Variants in CPNE1 observed in about 807,000 individuals in gnomAD.
The protein encoded by CPNE1 is copine 1.
Under a neutral mutation model 63.2 loss-of-function variants are expected in CPNE1, and 58 were observed. That is an observed-to-expected ratio of 0.92 (90% CI 0.74 to 1.14). CPNE1 has a LOEUF of 1.14. Among genes scored for constraint, CPNE1 ranks in the 50% most tolerant of loss-of-function variants. CPNE1 has a pLI of 0.00. For synonymous variants in CPNE1, 237 were observed against 249.0 expected, an observed-to-expected ratio of 0.95 and a Z score of 0.45; for missense variants, 672 against 661.7, an observed-to-expected ratio of 1.02 and a Z score of -0.17.
At chr20:35,646,695 A>G (rs1407183089) in intron 1 of CPNE1, among the ~76,000 whole-genome samples, 1 of 152,188 alleles carries the variant, frequency 6.6e-6, no homozygotes, top group Non-Finnish European at 1.5e-5. Context: ...AGCAGAATGG[A>G]GGTAATGAAC....
chr20:35,661,338 T>C (rs1481841241), intron 1 of CPNE1, among the ~76,000 whole-genome samples: 1 of 152,258 alleles, frequency 6.6e-6, no homozygotes, highest in Non-Finnish European at 1.5e-5. Flanking sequence ...AGCTAGCGAC[T>C]GAATGCAGGA....
intron 1 of CPNE1, among the ~76,000 whole-genome samples, chr20:35,663,818 T>A (rs1304537456): frequency 6.6e-6 from 1 of 152,096 alleles, no homozygotes; most frequent in African/African-American, 2.4e-5. Context: ...AACCTGTAGA[T>A]CCTCAAAGTC....
intron 1 of CPNE1, among the ~76,000 whole-genome samples, chr20:35,656,018 C>T (rs561490501): frequency 1.3e-5 from 2 of 152,246 alleles, no homozygotes; most frequent in East Asian, 3.9e-4. Flanking sequence ...AAGGTTAAGA[C>T]ATACTAAGAA....
intron 1 of CPNE1, 95 bp downstream of exon 1, chr20:35,664,665 G>C (rs949510151): frequency 6.6e-6 from 1 of 152,412 alleles, no homozygotes; most frequent in African/African-American, 2.4e-5. Context: ...TAGTTGCCGC[G>C]GGCTCGAAGG....
At chr20:35,661,128 C>T (rs1455051363) in intron 1 of CPNE1, among the ~76,000 whole-genome samples, 5 of 152,152 alleles carry the variant, frequency 3.3e-5, no homozygotes, top group Admixed American at 6.5e-5. Context: ...CCACCCCATA[C>T]CAAGGAAAAC....
intron 1 of CPNE1, among the ~76,000 whole-genome samples, chr20:35,633,782 G>A (rs553895719): frequency 4.6e-5 from 7 of 151,254 alleles, no homozygotes; most frequent in Admixed American, 6.6e-5. Flanking sequence ...GTGAAACCCC[G>A]TCTCTACTAA....
intron 1 of CPNE1, 73 bp from the exon 2 acceptor site, chr20:35,632,996 G>A (rs1436833140): frequency 1.6e-5 from 13 of 819,996 alleles, no homozygotes; most frequent in Non-Finnish European, 2.7e-5. Context: ...TCCCAGCTTG[G>A]GAAGGCCAGC....
intron 1 of CPNE1, among the ~76,000 whole-genome samples, chr20:35,642,561 C>T (rs1447752207): frequency 6.6e-6 from 1 of 152,162 alleles, no homozygotes. Context: ...CTACACCAAC[C>T]ACCACCACTC....
chr20:35,654,924 T>A (rs1453255172), intron 1 of CPNE1: 1 of 1,614,164 alleles, frequency 6.2e-7, no homozygotes, highest in African/African-American at 1.3e-5. Context: ...TGGCAGTAAC[T>A]ACACTGGGTG....
intron 1 of CPNE1, chr20:35,651,322 T>C (rs970846986): frequency 2.0e-5 from 3 of 152,162 alleles, no homozygotes; most frequent in Non-Finnish European, 2.9e-5. Flanking sequence ...GAAAAGAGTA[T>C]GAAAGGGTCA....
chr20:35,627,218 T>A (rs1476251382), intron 14 of CPNE1, 62 bp downstream of exon 14: 1 of 1,241,630 alleles, frequency 8.1e-7, no homozygotes, highest in Non-Finnish European at 1.1e-6. Context: ...AAGTCCTTTG[T>A]TCCATAACCC....
At chr20:35,660,416 T>C (rs181735646) in intron 1 of CPNE1, among the ~76,000 whole-genome samples, 12 of 152,206 alleles carry the variant, frequency 7.9e-5, no homozygotes, top group African/African-American at 2.9e-4. Flanking sequence ...AGGGGTTTCA[T>C]TATGTTACCC....
chr20:35,639,979 G>A (rs898084268), intron 1 of CPNE1, among the ~76,000 whole-genome samples: 7 of 152,260 alleles, frequency 4.6e-5, no homozygotes, highest in South Asian at 2.1e-4. Flanking sequence ...GTGGGCTCAT[G>A]TGTGCCTCAG....
intron 15 of CPNE1, 33 bp downstream of exon 15, chr20:35,626,534 G>T: frequency 1.2e-6 from 2 of 1,605,978 alleles, no homozygotes; most frequent in Non-Finnish European, 1.7e-6. Context: ...AGGTGAAAGG[G>T]TAAACTCCCA....
In CPNE1 at chr20:35,632,539, C is replaced by A. The variant is rs554913918; in HGVS notation, c.287G>T (p.Gly96Val). ...TACCTGTCCTAGGGAACACTCAGCA[C>A]CCCCTAGGAAGTCATCATCCCTCAG... The part of the protein sequence containing the change: ...PELRDDDFLG[G>V]AECSLGQIVS... The change falls in exon 3 of 16, where the codon GGT becomes GTT. Residue 96 changes from glycine (G) to valine (V), a missense_variant. By Grantham distance (109) the Gly-to-Val change is moderately radical (BLOSUM62 -3). Coordinates refer to ENST00000397443, the MANE Select transcript of CPNE1 (RefSeq NM_152925.3). 2 of 1,613,574 alleles carry A rather than the reference C, an allele frequency of 1.2e-6. No homozygotes were observed. The highest frequency in any genetic ancestry group is 3.3e-5 in the Admixed American group (2 of 60,006).
At position 35,631,985 on chromosome 20, in the gene CPNE1, C is replaced by A; in HGVS notation, c.497G>T (p.Arg166Leu). 6.2e-7 allele frequency: 1 copy of A among 1,614,122 alleles called. No homozygotes were observed. Among genetic ancestry groups the A allele is most frequent in the Non-Finnish European group, 8.5e-7 (1 of 1,180,004 alleles). Reference sequence around the variant, plus strand: ...CAGGTGCCATTTCCCATCACCCTGGCGGAAGAACTCCAGAAATGGATCTGA... The same window carrying A: ...CAGGTGCCATTTCCCATCACCCTGGAGGAAGAACTCCAGAAATGGATCTGA... ...GKSDPFLEFF[R>L]QGDGKWHLVY... The change falls in exon 6 of 16, where the codon CGC (arginine) becomes CTC (leucine). Residue 166 changes from arginine (R) to leucine (L), a missense_variant. Physicochemically the swap from Arg to Leu is moderately radical, Grantham distance 102 (BLOSUM62 -2). Transcript: ENST00000397443.
chr20:35,641,902 G>T (rs1023736507), intron 1 of CPNE1, among the ~76,000 whole-genome samples: 2 of 152,204 alleles, frequency 1.3e-5, no homozygotes, highest in African/African-American at 4.8e-5. Context: ...GTGTGCTGGC[G>T]CAAGCTTGTA....
At chr20:35,648,014 G>A (rs892743086) in intron 1 of CPNE1, among the ~76,000 whole-genome samples, 5 of 150,628 alleles carry the variant, frequency 3.3e-5, no homozygotes, top group African/African-American at 9.8e-5. Flanking sequence ...GCAGTGAGCC[G>A]AGATCGCACC....
chr20:35,631,883 T>A, intron 6 of CPNE1, 62 bp downstream of exon 6: 1 of 1,565,752 alleles, frequency 6.4e-7, no homozygotes, highest in Non-Finnish European at 8.8e-7. Flanking sequence ...CAAACCTTGC[T>A]AGTCACAGGC....
Sources: gnomAD v4.1 joint callset for allele counts (sites outside exome capture counted in the v4.1 genomes callset) on GRCh38, gnomAD v4.1.1 for gene constraint, MANE v1.5 for transcripts, NCBI Gene and HGNC (gene_info 2026-07-23, HGNC 2026-07-21) for gene names.